The following ZMYND11 variants were observed in gnomAD, a reference collection of about 807,000 sequenced individuals.
ZMYND11 encodes the protein zinc finger MYND-type containing 11, also known as zinc finger MYND domain-containing protein 11.
Under a neutral mutation model 84.9 loss-of-function variants are expected in ZMYND11, and 9 were observed. That is an observed-to-expected ratio of 0.11 (90% CI 0.06 to 0.18). ZMYND11 has a LOEUF of 0.18. ZMYND11 is among the 10% of genes least tolerant of loss of function. The pLI is 1.00. For missense variants in ZMYND11, 409 were observed against 761.0 expected (o/e 0.54, Z 5.44); for synonymous variants, 250 against 244.1 (o/e 1.02, Z -0.23).
At chr10:241,908 TGAAA>T (rs760690144) in intron 9 of ZMYND11, 109 bp from the exon 10 acceptor site, 53 of 1,328,246 alleles carry the variant, frequency 4.0e-5, no homozygotes, top group Middle Eastern at 2.4e-4. Context: ...TTAGGAGTTA[TGAAA>T]GAAATATTTT....
intron 7 of ZMYND11, 112 bp downstream of exon 7, chr10:239,637 C>A: frequency 1.2e-6 from 1 of 813,746 alleles, no homozygotes; most frequent in Non-Finnish European, 1.9e-6. Flanking sequence ...CCTTAATGAT[C>A]TACAAGTTTA....
At chr10:201,509 CT>C (rs373901344) in intron 2 of ZMYND11, among the ~76,000 whole-genome samples, 12 of 151,490 alleles carry the variant, frequency 7.9e-5, no homozygotes, top group African/African-American at 2.9e-4. Context: ...TAGGTAATTA[CT>C]TTCAGGAAAT....
chr10:136,670 C>T (rs1441907195), intron 1 of ZMYND11, among the ~76,000 whole-genome samples: 1 of 152,016 alleles, frequency 6.6e-6, no homozygotes, highest in Non-Finnish European at 1.5e-5. Flanking sequence ...ATATATTTAC[C>T]TTACCTGTTG....
chr10:205,438 C>G (rs1943949127), intron 2 of ZMYND11, among the ~76,000 whole-genome samples: 1 of 152,132 alleles, frequency 6.6e-6, no homozygotes, highest in African/African-American at 2.4e-5. Flanking sequence ...GCCTGTAATC[C>G]TAGCACTTTG....
chr10:139,685 C>CT (rs1373323354), intron 1 of ZMYND11, among the ~76,000 whole-genome samples: 1 of 145,210 alleles, frequency 6.9e-6, no homozygotes, highest in Non-Finnish European at 1.5e-5. Flanking sequence ...CACTGTCCAA[C>CT]TTAAACTTAC....
In ZMYND11 at chr10:200,310, A is replaced by T. The variant is rs1288993562; in HGVS notation, c.117-9579A>T. Among the ~76,000 whole-genome samples, 3 of 8,972 alleles carry T rather than the reference A, an allele frequency of 3.3e-4. No individual in the cohort carries two copies. The Non-Finnish European group carries it at 0.012, about 36-fold the overall frequency. 5.9% of individuals were successfully genotyped at this position (8,972 alleles called of 152,430 possible). On this transcript the variant is annotated intron_variant, in intron 2 of 14. Transcript: ENST00000381604. ...ATGTATAAAATGTATATTATATATAATATATAACATATAATATGTATTATA... is the reference window on the plus strand; with the variant it reads ...ATGTATAAAATGTATATTATATATATTATATAACATATAATATGTATTATA...
intron 2 of ZMYND11, among the ~76,000 whole-genome samples, chr10:200,309 A>T (rs1455009217): frequency 5.5e-4 from 5 of 9,030 alleles, no homozygotes; most frequent in African/African-American, 4.9e-4. Context: ...TATTATATAT[A>T]ATATATAACA....
At chr10:221,679 A>G (rs1272476486) in intron 4 of ZMYND11, among the ~76,000 whole-genome samples, 1 of 152,194 alleles carries the variant, frequency 6.6e-6, no homozygotes, top group Non-Finnish European at 1.5e-5. Context: ...TTCAATAGCT[A>G]CTTTGTAATA....
chr10:173,806 T>A (rs1353320284), intron 1 of ZMYND11, among the ~76,000 whole-genome samples: 1 of 152,104 alleles, frequency 6.6e-6, no homozygotes, highest in African/African-American at 2.4e-5. Context: ...TGAAAATACA[T>A]TCAATATCAT....
At position 163,100 on chromosome 10, in the gene ZMYND11, C is replaced by T. The variant is rs113775840; in HGVS notation, c.-19-16894C>T. 1.1e-3 allele frequency among the ~76,000 whole-genome samples: 171 copies of T among 152,200 alleles called. 1 individual carries two copies. Among genetic ancestry groups the T allele is most frequent in the African/African-American group, 3.9e-3 (161 of 41,528 alleles). On this transcript the variant is annotated intron_variant, in intron 1 of 14. Transcript: ENST00000381604. ...TCTACATGACTGAAATGTCTTTAGTCGGCCTTCACTAGTTGATCATTTAGA... is the reference window on the plus strand; with the variant it reads ...TCTACATGACTGAAATGTCTTTAGTTGGCCTTCACTAGTTGATCATTTAGA...
chr10:247,028 A>T, intron 11 of ZMYND11, 55 bp downstream of exon 11: 1 of 1,468,986 alleles, frequency 6.8e-7, no homozygotes, highest in Non-Finnish European at 9.3e-7. Flanking sequence ...AAATGCAGAA[A>T]TCTTAGTGCA....
intron 4 of ZMYND11, among the ~76,000 whole-genome samples, chr10:232,368 C>T (rs1258333286): frequency 6.6e-6 from 1 of 152,228 alleles, no homozygotes; most frequent in Non-Finnish European, 1.5e-5. Context: ...AATACCAAGT[C>T]TCTAAATTAT....
At chr10:174,230 C>CT (rs1846036821) in intron 1 of ZMYND11, among the ~76,000 whole-genome samples, 1 of 152,142 alleles carries the variant, frequency 6.6e-6, no homozygotes, top group African/African-American at 2.4e-5. Flanking sequence ...AAGTAACAGT[C>CT]TATCATGCCA....
At chr10:202,768 A>G (rs1045398444) in intron 2 of ZMYND11, among the ~76,000 whole-genome samples, 1 of 152,194 alleles carries the variant, frequency 6.6e-6, no homozygotes, top group Non-Finnish European at 1.5e-5. Flanking sequence ...AATGACCAGA[A>G]TGTATTGTTT....
At chr10:156,329 C>T (rs1022311833) in intron 1 of ZMYND11, among the ~76,000 whole-genome samples, 6 of 151,986 alleles carry the variant, frequency 3.9e-5, no homozygotes, top group African/African-American at 9.7e-5. Context: ...TTTATTTATA[C>T]TCTGTTTAAG....
upstream of ZMYND11, chr10:135,386 GGGAGGAGGGAGGAGGCCGGCAGGGA>G (rs1835694762): frequency 6.6e-6 from 1 of 151,630 alleles, no homozygotes. The surrounding 1 kb of genome is among the most constrained non-coding windows in gnomAD (Gnocchi z 5.6). Context: ...GGGGGAGCCG[GGGAGGAGGGAGGAGGCCGGCAGGGA>G]GGAGGAGGAG....
chr10:138,991 C>T (rs1554753227), intron 1 of ZMYND11, among the ~76,000 whole-genome samples: 1 of 152,106 alleles, frequency 6.6e-6, no homozygotes, highest in African/African-American at 2.4e-5. Flanking sequence ...CGCCACTGTG[C>T]CTGGCTAATT....
chr10:141,217 C>T (rs1428058569), intron 1 of ZMYND11, among the ~76,000 whole-genome samples: 15 of 152,110 alleles, frequency 9.9e-5, no homozygotes, highest in African/African-American at 3.6e-4. Flanking sequence ...TGTCTATTTT[C>T]ATATAAGGAG....
intron 1 of ZMYND11, among the ~76,000 whole-genome samples, chr10:147,130 T>A (rs1331988034): frequency 6.6e-6 from 1 of 152,358 alleles, no homozygotes; most frequent in Admixed American, 6.5e-5. Flanking sequence ...AATTCATTTA[T>A]CAAATCTAGG....
Sources: allele counts gnomAD v4.1 joint callset (sites outside exome capture counted in the v4.1 genomes callset), GRCh38; gene constraint gnomAD v4.1.1; non-coding constraint Gnocchi (gnomAD v3.1); transcripts MANE v1.5; gene names NCBI Gene and HGNC (gene_info 2026-07-23, HGNC 2026-07-21).